Variants in NOX4 observed in about 807,000 individuals in gnomAD.
NOX4 encodes the protein kidney oxidase-1.
A neutral mutation model predicts 87.6 loss-of-function variants in NOX4; 69 were observed. The ratio of observed to expected loss-of-function variants is 0.79; its 90% CI spans 0.65 to 0.96. The LOEUF (loss-of-function observed/expected upper bound fraction) is 0.96. NOX4 is among the 40% of genes least tolerant of loss of function. The probability of loss-of-function intolerance (pLI) is 0.00; values close to 1 mark genes in which losing one functional copy is unlikely to be tolerated. For synonymous variants in NOX4, 275 were observed against 238.2 expected, an observed-to-expected ratio of 1.15 and a Z score of -1.42; for missense variants, 680 against 681.5, an observed-to-expected ratio of 1.00 and a Z score of 0.02.
At chr11:89,331,515 T>G (rs1245907680) in intron 17 of NOX4, among the ~76,000 whole-genome samples, 1 of 151,800 alleles carries the variant, frequency 6.6e-6, no homozygotes, top group Non-Finnish European at 1.5e-5. Context: ...TTTAAATTAC[T>G]ATTGAAACAT....
intron 7 of NOX4, among the ~76,000 whole-genome samples, chr11:89,430,740 G>A (rs532982594): frequency 3.7e-4 from 56 of 152,238 alleles, no homozygotes; most frequent in South Asian, 1.2e-3. Context: ...CCATGCTCAG[G>A]GATAGGAAGA....
intron 2 of NOX4, among the ~76,000 whole-genome samples, chr11:89,486,546 GTGTGTATATA>G (rs923504527): frequency 2.8e-5 from 4 of 145,140 alleles, no homozygotes; most frequent in African/African-American, 1.0e-4. Flanking sequence ...ATACATATAT[GTGTGTATATA>G]TGTGTATATA....
chr11:89,516,860 G>T, the NOX4 span, among the ~76,000 whole-genome samples: 39 of 151,972 alleles, frequency 2.6e-4, no homozygotes, highest in African/African-American at 8.9e-4. Flanking sequence ...AGCATCGTGG[G>T]TATTTGGGGA....
chr11:89,547,764 G>A, the NOX4 span, among the ~76,000 whole-genome samples: 2 of 152,092 alleles, frequency 1.3e-5, no homozygotes. Flanking sequence ...AGAGTTTAAG[G>A]ATAGGTATTG....
At chr11:89,503,403 G>A in the NOX4 span, among the ~76,000 whole-genome samples, 130 of 151,858 alleles carry the variant, frequency 8.6e-4, no homozygotes, top group African/African-American at 2.9e-3. Flanking sequence ...GGGGAACATT[G>A]GAATAATATA....
the NOX4 span, among the ~76,000 whole-genome samples, chr11:89,584,752 C>T: frequency 1.1e-4 from 16 of 151,956 alleles, no homozygotes; most frequent in African/African-American, 3.9e-4. Context: ...GAATTCTCTA[C>T]CTGAAAAAGA....
At chr11:89,390,036 G>A (rs942319251) in intron 11 of NOX4, among the ~76,000 whole-genome samples, 1 of 152,042 alleles carries the variant, frequency 6.6e-6, no homozygotes, top group African/African-American at 2.4e-5. Context: ...CTGTTTAGTG[G>A]GAATCACCAT....
chr11:89,527,243 T>C, the NOX4 span, among the ~76,000 whole-genome samples: 1 of 152,178 alleles, frequency 6.6e-6, no homozygotes, highest in African/African-American at 2.4e-5. Context: ...TTCAGTTTTA[T>C]GCATTCACAT....
Position 89,444,247 on chromosome 11 carries a change from CA to C in NOX4, c.350-16del, listed in dbSNP as rs1442890293. The stretch of plus-strand genomic sequence containing the variant: ...CACATGCACGCCTACAGAATTACAC[CA>C]GGGGTAAGTTAGTGGGATTTGCATA... On this transcript the variant is annotated splice_polypyrimidine_tract_variant and intron_variant, in intron 4 of 17. Coordinates refer to ENST00000263317, the MANE Select transcript of NOX4 (RefSeq NM_016931.5). The C allele has an allele frequency of 1.2e-6, 2 of 1,607,846 alleles. No individual in the cohort carries two copies. The highest frequency in any genetic ancestry group is 2.2e-5 in the South Asian group (2 of 90,916).
chr11:89,408,339 G>T (rs1469917598), intron 8 of NOX4, among the ~76,000 whole-genome samples: 1 of 152,122 alleles, frequency 6.6e-6, no homozygotes, highest in Non-Finnish European at 1.5e-5. Flanking sequence ...ACAGATATTC[G>T]ACCTCATTTT....
chr11:89,329,342 C>A (rs1392276339), intron 17 of NOX4, among the ~76,000 whole-genome samples: 5 of 92,458 alleles, frequency 5.4e-5, no homozygotes, highest in East Asian at 3.1e-4. Context: ...TTGAAGCCCA[C>A]AGAGAAAAAA....
intron 7 of NOX4, among the ~76,000 whole-genome samples, chr11:89,426,345 C>G (rs1457614483): frequency 2.0e-5 from 3 of 151,996 alleles, no homozygotes; most frequent in African/African-American, 7.2e-5. Flanking sequence ...GTACTGGGTT[C>G]ATCTCACTAG....
At chr11:89,379,711 G>C (rs1420466514) in intron 11 of NOX4, among the ~76,000 whole-genome samples, 2 of 152,004 alleles carry the variant, frequency 1.3e-5, no homozygotes, top group Non-Finnish European at 2.9e-5. Context: ...AAAACTCTGG[G>C]GTCAGCCTTG....
intron 13 of NOX4, among the ~76,000 whole-genome samples, chr11:89,353,315 G>A (rs1315749989): frequency 6.6e-6 from 1 of 152,072 alleles, no homozygotes; most frequent in Non-Finnish European, 1.5e-5. Context: ...CAAACTTCAT[G>A]GTTTTATGCT....
At chr11:89,530,509 CT>C in the NOX4 span, among the ~76,000 whole-genome samples, 2,667 of 135,376 alleles carry the variant, frequency 0.02, 64 homozygotes, top group African/African-American at 0.063. Flanking sequence ...CATCTGTCTA[CT>C]TTTTTTTTTT....
chr11:89,335,079 T>C (rs1277916831), intron 17 of NOX4, among the ~76,000 whole-genome samples: 1 of 151,764 alleles, frequency 6.6e-6, no homozygotes, highest in African/African-American at 2.4e-5. Flanking sequence ...TGCAATATGT[T>C]AGAAATCACA....
the NOX4 span, among the ~76,000 whole-genome samples, chr11:89,512,081 C>A: frequency 2.3e-4 from 35 of 152,084 alleles, no homozygotes; most frequent in East Asian, 6.4e-3. Flanking sequence ...TATATTGCAT[C>A]GTTTCCTCTT....
chr11:89,577,116 C>T, the NOX4 span: 1 of 151,948 alleles, frequency 6.6e-6, no homozygotes, highest in African/African-American at 2.4e-5. Context: ...ACCTTATCTC[C>T]TTCAAAAACT....
the NOX4 span, among the ~76,000 whole-genome samples, chr11:89,584,338 T>C: frequency 6.6e-6 from 1 of 152,142 alleles, no homozygotes. Flanking sequence ...CCGATCACAT[T>C]CCCTGTGCTC....
Sources: gnomAD v4.1 joint callset for allele counts (sites outside exome capture counted in the v4.1 genomes callset) on GRCh38, gnomAD v4.1.1 for gene constraint, MANE v1.5 for transcripts, NCBI Gene and HGNC (gene_info 2026-07-23, HGNC 2026-07-21) for gene names.